GPHN: variants seen among roughly 807,000 people sequenced by gnomAD.
GPHN encodes the protein gephyrin.
Under a neutral mutation model 95.5 loss-of-function variants are expected in GPHN, and 17 were observed. The ratio of observed to expected loss-of-function variants is 0.18; its 90% CI spans 0.12 to 0.27. The LOEUF is 0.27. GPHN is among the 10% of genes least tolerant of loss of function. GPHN has a pLI of 1.00. For missense variants in GPHN, 660 were observed against 978.1 expected (o/e 0.67, Z 4.34); for synonymous variants, 320 against 322.5 (o/e 0.99, Z 0.08).
chr14:66,891,394 G>C (rs10162330), intron 5 of GPHN, among the ~76,000 whole-genome samples: 170 of 152,120 alleles, frequency 1.1e-3, no homozygotes, highest in African/African-American at 4.0e-3. Context: ...TTCAATGGGG[G>C]AGAGAATAGT....
the GPHN span, among the ~76,000 whole-genome samples, chr14:67,451,560 C>T: frequency 6.6e-6 from 1 of 152,212 alleles, no homozygotes; most frequent in Non-Finnish European, 1.5e-5. Context: ...GAGCTTTAAG[C>T]TTTGACTGCC....
chr14:66,978,627 C>G (rs913487888), intron 9 of GPHN, among the ~76,000 whole-genome samples: 4 of 152,144 alleles, frequency 2.6e-5, no homozygotes, highest in African/African-American at 9.7e-5. Flanking sequence ...ATCTGCAGTT[C>G]TTTCTCCTCC....
At chr14:66,930,479 T>G (rs112269581) in intron 8 of GPHN, among the ~76,000 whole-genome samples, 2 of 151,912 alleles carry the variant, frequency 1.3e-5, no homozygotes, top group African/African-American at 4.8e-5. Flanking sequence ...AAACATTTTA[T>G]TTTTTCTATC....
intron 1 of GPHN, among the ~76,000 whole-genome samples, chr14:66,675,086 A>G (rs878984821): frequency 4.7e-5 from 7 of 150,168 alleles, no homozygotes; most frequent in African/African-American, 1.7e-4. Flanking sequence ...GCATTCATTC[A>G]TATATTTGTT....
chr14:66,588,061 G>T lies in GPHN; in HGVS notation c.64+79470G>T, dbSNP rs187837544. On this transcript the variant is annotated intron_variant, in intron 1 of 22. Transcript: ENST00000478722. ...GAAGGAACAGGTAGCAATCTTTGCT[G>T]TTCTGCAGCCTCCGCTGGTGATACC... is the stretch of plus-strand genomic sequence containing the variant. 1.3e-4 allele frequency among the ~76,000 whole-genome samples: 20 copies of T among 152,330 alleles called. No individual in the cohort carries two copies. In the East Asian group the frequency reaches 3.9e-3, roughly 29 times the overall value.
At chr14:67,665,909 T>A in the GPHN span, among the ~76,000 whole-genome samples, 6,099 of 152,306 alleles carry the variant, frequency 0.04, 359 homozygotes, top group African/African-American at 0.13. Context: ...CTCTTGACCA[T>A]CTATGATGTA....
At chr14:66,624,065 ACT>A (rs2063423826) in intron 1 of GPHN, among the ~76,000 whole-genome samples, 1 of 152,050 alleles carries the variant, frequency 6.6e-6, no homozygotes, top group Non-Finnish European at 1.5e-5. Flanking sequence ...CACTCCCAGT[ACT>A]CTCTGCTCCC....
intron 1 of GPHN, among the ~76,000 whole-genome samples, chr14:66,573,132 A>G (rs907902185): frequency 3.3e-5 from 5 of 152,104 alleles, no homozygotes; most frequent in Non-Finnish European, 7.4e-5. Flanking sequence ...CCTATTATGG[A>G]ATGTTTGGTG....
chr14:67,376,650 T>C, the GPHN span: 1 of 1,549,748 alleles, frequency 6.5e-7, no homozygotes, highest in African/African-American at 1.4e-5. Flanking sequence ...GCCTGATATT[T>C]AACAGCATAG....
the GPHN span, among the ~76,000 whole-genome samples, chr14:67,664,419 A>C: frequency 6.6e-6 from 1 of 152,054 alleles, no homozygotes; most frequent in African/African-American, 2.4e-5. Flanking sequence ...ACGTATGGGG[A>C]TATGGCCTTT....
the GPHN span, among the ~76,000 whole-genome samples, chr14:67,272,292 G>T: frequency 6.6e-6 from 1 of 152,036 alleles, no homozygotes. Context: ...AGCCTTATTT[G>T]TACTTTCCCC....
the GPHN span, chr14:67,610,977 T>G: frequency 1.3e-5 from 2 of 153,466 alleles, no homozygotes; most frequent in African/African-American, 2.4e-5. Context: ...CAGGCTGTGA[T>G]ACCTGTGCCA....
In GPHN at chr14:66,748,516, T is replaced by C. The variant is rs1008229588; in HGVS notation, c.144-27948T>C. On this transcript the variant is annotated intron_variant, in intron 2 of 22. Coordinates refer to ENST00000478722, the MANE Select transcript of GPHN (RefSeq NM_020806.5). Reference sequence around the variant, plus strand: ...TATATTTGTTGCCATTGAAGCTACATTGACGTATCATTATTACCCGATCCA... The same window carrying C: ...TATATTTGTTGCCATTGAAGCTACACTGACGTATCATTATTACCCGATCCA... Among the ~76,000 whole-genome samples the C allele has an allele frequency of 5.8e-4, 88 of 151,914 alleles. 1 individual carries two copies. Among genetic ancestry groups the C allele is most frequent in the Non-Finnish European group, 1.2e-4 (8 of 67,906 alleles).
the GPHN span, among the ~76,000 whole-genome samples, chr14:67,463,368 G>T: frequency 6.6e-6 from 1 of 152,186 alleles, no homozygotes; most frequent in Non-Finnish European, 1.5e-5. Flanking sequence ...AGCTGGGCGC[G>T]GTGGCTCACG....
chr14:67,087,911 A>T (rs766485064), intron 11 of GPHN, among the ~76,000 whole-genome samples: 1 of 151,706 alleles, frequency 6.6e-6, no homozygotes. Context: ...TCCTTTTTTT[A>T]AATTAGCAAT....
chr14:67,587,319 G>A, the GPHN span: 84 of 1,458,944 alleles, frequency 5.8e-5, no homozygotes, highest in East Asian at 1.4e-3. Flanking sequence ...CTACTGTGAC[G>A]GGTCTAACAG....
chr14:67,562,437 G>T, the GPHN span: 4 of 1,613,720 alleles, frequency 2.5e-6, no homozygotes, highest in East Asian at 2.2e-5. Flanking sequence ...CACCAGCCAT[G>T]CATGAAGCTT....
chr14:66,533,665 C>T (rs1287985193), intron 1 of GPHN, among the ~76,000 whole-genome samples: 3 of 152,132 alleles, frequency 2.0e-5, no homozygotes, highest in Non-Finnish European at 2.9e-5. Flanking sequence ...TCTGCTGAAA[C>T]GGTGGTACCA....
the GPHN span, among the ~76,000 whole-genome samples, chr14:67,538,786 G>A: frequency 6.6e-6 from 1 of 152,262 alleles, no homozygotes; most frequent in South Asian, 2.1e-4. Context: ...GGCAGGGAGA[G>A]GATTAAACAG....
Sources: gnomAD v4.1 joint callset for allele counts (sites outside exome capture counted in the v4.1 genomes callset) on GRCh38, gnomAD v4.1.1 for gene constraint, MANE v1.5 for transcripts, NCBI Gene and HGNC (gene_info 2026-07-23, HGNC 2026-07-21) for gene names.